The following RBAK variants were observed in gnomAD, a reference collection of about 807,000 sequenced individuals.
The protein encoded by RBAK is RB associated KRAB zinc finger.
RBAK carries 39 observed loss-of-function variants against 65.8 expected under a neutral mutation model. The ratio of observed to expected loss-of-function variants is 0.59; its 90% CI spans 0.46 to 0.77. The LOEUF is 0.77. Among genes scored for constraint, RBAK ranks in the 30% least tolerant of loss-of-function variants. The pLI, the probability that RBAK is intolerant of heterozygous loss-of-function variation, is 0.00. For synonymous variants in RBAK, 343 were observed against 289.7 expected (o/e 1.18, Z -1.87); for missense variants, 884 against 855.1 (o/e 1.03, Z -0.42).
Position 5,046,151 on chromosome 7 carries a change from C to G in RBAK, c.-290C>G. On this transcript the variant is annotated 5_prime_UTR_variant, in exon 1 of 5. Coordinates refer to ENST00000396912, the MANE Select transcript of RBAK (RefSeq NM_021163.4). The stretch of plus-strand genomic sequence containing the variant: ...AGGGGCGGCGGGACGCGGGCCTGGC[C>G]CGTGTGTGTCCTGGCGGCCTGGCCC... 2 of 407,554 alleles carry G rather than the reference C, an allele frequency of 4.9e-6. No individual in the cohort carries two copies. Among genetic ancestry groups the G allele is most frequent in the South Asian group, 3.6e-5 (2 of 56,334 alleles). 25.2% of individuals were successfully genotyped at this position (407,554 alleles called of 1,614,324 possible). A position where few individuals can be genotyped will look rare whatever the true frequency, so the allele number is the denominator to read the frequency against.
intron 2 of RBAK, among the ~76,000 whole-genome samples, chr7:5,051,659 C>G (rs6955853): frequency 0.019 from 2,853 of 152,176 alleles, 95 homozygotes; most frequent in African/African-American, 0.065. Flanking sequence ...GGATTTGTTC[C>G]TCAGTGCCAT....
In RBAK at chr7:5,066,725, A is replaced by C. The variant is rs7808504; in HGVS notation, c.*1124A>C. 6.6e-6 allele frequency: 1 copy of C among 152,172 alleles called. No homozygotes were observed. Among genetic ancestry groups the C allele is most frequent in the South Asian group, 2.1e-4 (1 of 4,836 alleles). The allele number at this position is 152,172 out of a possible 1,614,324, so 9.4% of individuals were successfully genotyped here. On this transcript the variant is annotated 3_prime_UTR_variant, in exon 5 of 5. Coordinates refer to ENST00000396912, the MANE Select transcript of RBAK (RefSeq NM_021163.4). ...GCTCCATTTCTTGCTGGAACAGTTT[A>C]GGTACCTACCACTTCTTCACATGAC...
chr7:5,069,274 C>A lies in RBAK; in HGVS notation c.*3673C>A, dbSNP rs983661948. ...ATGGCAGATTTTGCATAATTCTGTGCAGGAAATACATATTTATAGTAATTT... is the reference window on the plus strand; with the variant it reads ...ATGGCAGATTTTGCATAATTCTGTGAAGGAAATACATATTTATAGTAATTT... On this transcript the variant is annotated 3_prime_UTR_variant, in exon 5 of 5. Coordinates refer to ENST00000396912, the MANE Select transcript of RBAK (RefSeq NM_021163.4). 1 of 152,122 alleles carries A rather than the reference C, an allele frequency of 6.6e-6. No individual in the cohort carries two copies. Among genetic ancestry groups the A allele is most frequent in the African/African-American group, 2.4e-5 (1 of 41,416 alleles). 9.4% of individuals were successfully genotyped at this position (152,122 alleles called of 1,614,324 possible).
chr7:5,047,917 G>A (rs1583451008), intron 1 of RBAK, 116 bp from the exon 2 acceptor site: 2 of 539,072 alleles, frequency 3.7e-6, no homozygotes, highest in Non-Finnish European at 6.5e-6. Flanking sequence ...TTTGCAGGCT[G>A]AGTGTTCACA....
In RBAK at chr7:5,066,035, T is replaced by TGTATA. The variant is rs1287514034; in HGVS notation, c.*435_*439dup. 6.5e-6 allele frequency: 1 copy of TGTATA among 153,064 alleles called. No individual in the cohort carries two copies. Among genetic ancestry groups the TGTATA allele is most frequent in the Non-Finnish European group, 1.5e-5 (1 of 68,388 alleles). 9.5% of individuals were successfully genotyped at this position (153,064 alleles called of 1,614,324 possible). On this transcript the variant is annotated 3_prime_UTR_variant, in exon 5 of 5. Coordinates refer to ENST00000396912, the MANE Select transcript of RBAK (RefSeq NM_021163.4). ...CTATGAGCTCTGAATAAATCTTCAT[T>TGTATA]GTATAAAATGAAGTTTTTAAATTGT...
intron 2 of RBAK, 134 bp from the exon 3 acceptor site, chr7:5,057,161 A>G: frequency 7.3e-7 from 1 of 1,368,428 alleles, no homozygotes; most frequent in South Asian, 1.4e-5. Flanking sequence ...TTCCAATATG[A>G]TTTCCCTTCC....
intron 4 of RBAK, among the ~76,000 whole-genome samples, chr7:5,059,896 T>A (rs773635615): frequency 3.9e-4 from 59 of 152,330 alleles, no homozygotes; most frequent in Non-Finnish European, 6.0e-4. Flanking sequence ...GTGTATGCTC[T>A]ATGAGTATAA....
At chr7:5,057,246 C>A (rs1158758080) in intron 2 of RBAK, 49 bp from the exon 3 acceptor site, 1 of 1,612,790 alleles carries the variant, frequency 6.2e-7, no homozygotes, top group African/African-American at 1.3e-5. Context: ...AACGTTATCC[C>A]CCTATCCCTT....
intron 4 of RBAK, among the ~76,000 whole-genome samples, chr7:5,060,403 TTTTCCAAGGGCATAGGTTTTGGTTAGG>T (rs1779041307): frequency 1.3e-5 from 2 of 152,196 alleles, no homozygotes; most frequent in Non-Finnish European, 2.9e-5. Flanking sequence ...AATATGAATA[TTTTCCAAGGGCATAGGTTTTGGTTAGG>T]AAATAAGATA....
At position 5,064,421 on chromosome 7, in the gene RBAK, G is replaced by A. The variant is rs1320279757; in HGVS notation, c.965G>A (p.Cys322Tyr). ...LEEKPYKCNE[C>Y]GKTFCQKLHL... Reference sequence around the variant, plus strand: ...GAGAAGCCCTATAAATGTAATGAATGTGGGAAAACCTTTTGTCAGAAGTTA... The same window carrying A: ...GAGAAGCCCTATAAATGTAATGAATATGGGAAAACCTTTTGTCAGAAGTTA... The change falls in exon 5 of 5, where the codon TGT (cysteine) becomes TAT (tyrosine). Residue 322 changes from cysteine (C) to tyrosine (Y), a missense_variant. Physicochemically the swap from Cys to Tyr is radical, Grantham distance 194 (BLOSUM62 -2). Coordinates refer to ENST00000396912, the MANE Select transcript of RBAK (RefSeq NM_021163.4). The surrounding 1 kb of genome is among the most constrained non-coding windows in gnomAD (Gnocchi z 6.3). 8 of 1,614,028 alleles carry A rather than the reference G, an allele frequency of 5.0e-6. No individual in the cohort carries two copies. Among genetic ancestry groups the A allele is most frequent in the African/African-American group, 4.0e-5 (3 of 74,946 alleles).
At chr7:5,062,588 C>G (rs1037980362) in intron 4 of RBAK, among the ~76,000 whole-genome samples, 2 of 152,162 alleles carry the variant, frequency 1.3e-5, no homozygotes, top group African/African-American at 4.8e-5. Flanking sequence ...TTGATAACAT[C>G]TTATCAGGAG....
rs774037977 is a variant in RBAK at position 5,057,782 on chromosome 7, A to C, written c.238+3A>C. On this transcript the variant is annotated splice_donor_region_variant and intron_variant, in intron 4 of 4. Coordinates refer to ENST00000396912, the MANE Select transcript of RBAK (RefSeq NM_021163.4). ...ATTTCCATGTCAACATAGTCCAGGT[A>C]AGTTAGTAGCGTATCAAAGGTTAAA... 6.2e-7 allele frequency: 1 copy of C among 1,613,856 alleles called. No individual in the cohort carries two copies.
rs754366722 is a variant in RBAK at position 5,064,969 on chromosome 7, C to T, written c.1513C>T (p.His505Tyr). The change falls in exon 5 of 5, where the codon CAT becomes TAT. Residue 505 changes from histidine to tyrosine, a missense_variant. Transcript: ENST00000396912. The surrounding 1 kb of genome is among the most constrained non-coding windows in gnomAD (Gnocchi z 6.3). ...GTATCTCACCGACCATCATACAGCT[C>T]ATTTAGAAGAGAAACCCTATGAATG... ...QLYLTDHHTA[H>Y]LEEKPYECNE... is the part of the protein sequence containing the mutation. The T allele has an allele frequency of 6.2e-6, 10 of 1,614,008 alleles. No individual in the cohort carries two copies. The highest frequency in any genetic ancestry group is 2.2e-5 in the East Asian group (1 of 44,894).
intron 4 of RBAK, among the ~76,000 whole-genome samples, chr7:5,062,734 C>G (rs1332768437): frequency 6.6e-6 from 1 of 152,164 alleles, no homozygotes; most frequent in Non-Finnish European, 1.5e-5. Flanking sequence ...ACGGCCACAC[C>G]TAAGGGGGCC....
intron 4 of RBAK, among the ~76,000 whole-genome samples, chr7:5,058,095 G>A (rs540038362): frequency 5.3e-4 from 80 of 152,036 alleles, no homozygotes; most frequent in African/African-American, 1.9e-3. Context: ...TTGTTTTGGA[G>A]ACAGAATCTT....
intron 1 of RBAK, among the ~76,000 whole-genome samples, 197 bp downstream of exon 1, chr7:5,046,593 C>G (rs1021720497): frequency 6.6e-6 from 1 of 152,188 alleles, no homozygotes; most frequent in African/African-American, 2.4e-5. Context: ...TTATGGGGGC[C>G]TGGAGGGTGT....
At position 5,064,593 on chromosome 7, in the gene RBAK, G is replaced by A; in HGVS notation, c.1137G>A (p.Gly379=). The part of the protein sequence containing the change: ...GERPYPCNEC[G]KSFSRKSALS... ...GGCCCTATCCATGTAACGAATGTGGGAAATCCTTCTCCCGCAAGTCTGCTC... is the reference window on the plus strand; with the variant it reads ...GGCCCTATCCATGTAACGAATGTGGAAAATCCTTCTCCCGCAAGTCTGCTC... The change falls in exon 5 of 5, where the codon GGG becomes GGA. Residue 379 remains glycine (G), a synonymous_variant. Coordinates refer to ENST00000396912, the MANE Select transcript of RBAK (RefSeq NM_021163.4). This position sits in a 1 kb window ranked among gnomAD's most constrained non-coding sequence, Gnocchi z 6.3. 6.2e-7 allele frequency: 1 copy of A among 1,614,010 alleles called. No homozygotes were observed.
intron 2 of RBAK, among the ~76,000 whole-genome samples, chr7:5,050,414 T>C (rs1788090098): frequency 6.6e-6 from 1 of 152,208 alleles, no homozygotes; most frequent in Non-Finnish European, 1.5e-5. Flanking sequence ...AGCTGTACCG[T>C]ACGTGGCATT....
At position 5,057,700 on chromosome 7, in the gene RBAK, G is replaced by A. The variant is rs1427971720; in HGVS notation, c.159G>A (p.Lys53=). 1.2e-6 allele frequency: 2 copies of A among 1,613,882 alleles called. No homozygotes were observed. The highest frequency in any genetic ancestry group is 2.2e-5 in the South Asian group (2 of 91,070). The change falls in exon 4 of 5, where the codon AAG becomes AAA. Residue 53 remains lysine, a synonymous_variant. Transcript: ENST00000396912. ...CATTAACAGGATATGATACCACCAA[G>A]CCAAACGTCATCATTAAGTTGGAGC... The part of the protein sequence containing the change: ...HLVSVGYDTT[K]PNVIIKLEQG...
Sources: gnomAD v4.1 joint callset for allele counts (sites outside exome capture counted in the v4.1 genomes callset) on GRCh38, gnomAD v4.1.1 for gene constraint, Gnocchi (gnomAD v3.1) non-coding constraint, MANE v1.5 for transcripts, NCBI Gene and HGNC (gene_info 2026-07-23, HGNC 2026-07-21) for gene names.